The following DYNC2H1 variants were observed in gnomAD, a reference collection of about 807,000 sequenced individuals.
DYNC2H1 encodes cytoplasmic dynein 2 heavy chain 1.
DYNC2H1 carries 410 observed loss-of-function variants against 570.0 expected under a neutral mutation model. That is an observed-to-expected ratio of 0.72 (90% CI 0.66 to 0.78). The LOEUF (loss-of-function observed/expected upper bound fraction) is 0.78. Ranked by LOEUF, DYNC2H1 falls within the 30% of genes least tolerant of loss-of-function variation. DYNC2H1 has a pLI of 0.00. For synonymous variants in DYNC2H1, 1,688 were observed against 1,677.6 expected, an observed-to-expected ratio of 1.01 and a Z score of -0.15; for missense variants, 4,865 against 5,046.4, an observed-to-expected ratio of 0.96 and a Z score of 1.09.
At chr11:103,462,743 T>C (rs1338231099) in intron 87 of DYNC2H1, among the ~76,000 whole-genome samples, 2 of 152,238 alleles carry the variant, frequency 1.3e-5, no homozygotes, top group Non-Finnish European at 2.9e-5. Flanking sequence ...AGTATCATTG[T>C]GAGCTTCTTG....
intron 47 of DYNC2H1, among the ~76,000 whole-genome samples, chr11:103,197,609 G>C (rs571845930): frequency 6.6e-6 from 1 of 152,108 alleles, no homozygotes; most frequent in Admixed American, 6.6e-5. Context: ...CACCACACCT[G>C]GCTAATTTTT....
intron 6 of DYNC2H1, 52 bp downstream of exon 6, chr11:103,117,915 A>G (rs1858499517): frequency 1.4e-6 from 2 of 1,419,008 alleles, no homozygotes; most frequent in Non-Finnish European, 1.9e-6. Flanking sequence ...GTGTATCTTC[A>G]CTTGTTTGTA....
rs1295723203 is a variant in DYNC2H1 at position 103,157,753 on chromosome 11, C to T, written c.4128-924C>T. 6.6e-6 allele frequency among the ~76,000 whole-genome samples: 1 copy of T among 152,218 alleles called. No individual in the cohort carries two copies. Among genetic ancestry groups the T allele is most frequent in the Non-Finnish European group, 1.5e-5 (1 of 68,028 alleles). On this transcript the variant is annotated intron_variant, in intron 26 of 88. Coordinates refer to ENST00000375735, the MANE Select transcript of DYNC2H1 (RefSeq NM_001377.3). The surrounding 1 kb of genome is among the most constrained non-coding windows in gnomAD (Gnocchi z 4.2). ...TTTAAAAATGCAGGTTCAGCACTTT[C>T]TTTTACTCCTGTAAATAAAACTTTA...
Position 103,145,675 on chromosome 11 carries a change from TAC to T in DYNC2H1, c.2703-2093_2703-2092del, listed in dbSNP as rs1342080064. Among the ~76,000 whole-genome samples, 2 of 152,218 alleles carry T rather than the reference TAC, an allele frequency of 1.3e-5. No individual in the cohort carries two copies. The highest frequency in any genetic ancestry group is 4.8e-5 in the African/African-American group (2 of 41,458). On this transcript the variant is annotated intron_variant, in intron 18 of 88. Transcript: ENST00000375735. This position sits in a 1 kb window ranked among gnomAD's most constrained non-coding sequence, Gnocchi z 4.2. ...ATACATACATATGCACATACAAACA[TAC>T]ACATTTATTTCATCGGTACTTTTTG...
chr11:103,453,641 T>TATATATATATATAC (rs1273661728), intron 85 of DYNC2H1, among the ~76,000 whole-genome samples: 20 of 93,184 alleles, frequency 2.1e-4, no homozygotes, highest in African/African-American at 7.3e-4. Context: ...TATATATATA[T>TATATATATATATAC]ACACACATTC....
Position 103,109,788 on chromosome 11 carries a change from C to A in DYNC2H1, c.195+19C>A. On this transcript the variant is annotated intron_variant, in intron 1 of 88. Transcript: ENST00000375735. Reference sequence around the variant, plus strand: ...CAACACGGTACGGTTCCTTGCACTCCTGCCTGACCCCTGACCACTCTTCAA... The same window carrying A: ...CAACACGGTACGGTTCCTTGCACTCATGCCTGACCCCTGACCACTCTTCAA... 6.2e-7 allele frequency: 1 copy of A among 1,602,242 alleles called. No individual in the cohort carries two copies. Among genetic ancestry groups the A allele is most frequent in the Non-Finnish European group, 8.5e-7 (1 of 1,172,772 alleles).
intron 82 of DYNC2H1, among the ~76,000 whole-genome samples, chr11:103,356,963 T>C (rs1940376200): frequency 6.6e-6 from 1 of 152,160 alleles, no homozygotes; most frequent in Non-Finnish European, 1.5e-5. Context: ...GCTGCAAATG[T>C]TGAAGTTTAA....
chr11:103,179,008 G>GT lies in DYNC2H1; in HGVS notation c.6140-14dup. ...CATATATTTTTATTTTGTCTCCACT[G>GT]TTTTGATTTGAAAATAGATGTCAGC... On this transcript the variant is annotated splice_polypyrimidine_tract_variant and intron_variant, in intron 38 of 88. Transcript: ENST00000375735. 2 of 1,596,332 alleles carry GT rather than the reference G, an allele frequency of 1.3e-6. No individual in the cohort carries two copies. The highest frequency in any genetic ancestry group is 1.7e-6 in the Non-Finnish European group (2 of 1,167,938).
chr11:103,417,166 G>A (rs111704712), intron 84 of DYNC2H1, among the ~76,000 whole-genome samples: 1,544 of 152,214 alleles, frequency 0.01, 18 homozygotes, highest in African/African-American at 0.035. Context: ...TGCAACATCC[G>A]CCTCCTGGGT....
chr11:103,113,478 C>CACTAT (rs1858212464), intron 1 of DYNC2H1, 59 bp from the exon 2 acceptor site: 1 of 1,351,900 alleles, frequency 7.4e-7, no homozygotes. Context: ...ACTTTGTCTA[C>CACTAT]ATTTTTTTCA....
intron 83 of DYNC2H1, among the ~76,000 whole-genome samples, chr11:103,393,370 G>A (rs1350477597): frequency 1.3e-5 from 2 of 152,108 alleles, no homozygotes; most frequent in African/African-American, 4.8e-5. Flanking sequence ...GCTTCACAGA[G>A]CAGAATCATT....
At chr11:103,166,984 C>T (rs953563318) in intron 31 of DYNC2H1, among the ~76,000 whole-genome samples, 74 of 124,604 alleles carry the variant, frequency 5.9e-4, no homozygotes, top group East Asian at 1.5e-3. Flanking sequence ...ATCTCTGAGG[C>T]GCTGCCTTTT....
intron 84 of DYNC2H1, among the ~76,000 whole-genome samples, chr11:103,422,023 A>T (rs1370984211): frequency 6.6e-6 from 1 of 152,138 alleles, no homozygotes; most frequent in Non-Finnish European, 1.5e-5. Flanking sequence ...AACTCATGCC[A>T]CAGAAAAACA....
chr11:103,358,324 T>TGATTGAG lies in DYNC2H1; in HGVS notation c.12121_12122insGATTGAG (p.Ser4041Ter), dbSNP rs770728680. 1.3e-6 allele frequency: 2 copies of TGATTGAG among 1,583,918 alleles called. No individual in the cohort carries two copies. The highest frequency in any genetic ancestry group is 2.7e-5 in the African/African-American group (2 of 74,398). On this transcript the variant is annotated stop_gained and frameshift_variant, in exon 83 of 89. Transcript: ENST00000375735. LOFTEE classifies it high-confidence loss of function. ...TAGAGAAATCTGGTCTAATGAACTT[T>TGATTGAG]CTCCTGTCCTCAATCTCTGGAAGAA...
chr11:103,139,238 T>C (rs2134802993), intron 17 of DYNC2H1, among the ~76,000 whole-genome samples: 1 of 152,230 alleles, frequency 6.6e-6, no homozygotes, highest in South Asian at 2.1e-4. Context: ...ATTTTAGTTA[T>C]TTCTTGCCTT....
At chr11:103,418,967 A>G (rs1421718610) in intron 84 of DYNC2H1, among the ~76,000 whole-genome samples, 1 of 152,146 alleles carries the variant, frequency 6.6e-6, no homozygotes, top group South Asian at 2.1e-4. Flanking sequence ...GTCCTGTGCT[A>G]CCCAGCAAGG....
At chr11:103,342,371 A>G (rs1939495128) in intron 82 of DYNC2H1, among the ~76,000 whole-genome samples, 1 of 152,070 alleles carries the variant, frequency 6.6e-6, no homozygotes, top group Non-Finnish European at 1.5e-5. Flanking sequence ...ATGGGCGGGG[A>G]CAAATAAGGG....
At chr11:103,208,342 G>A (rs75500314) in intron 52 of DYNC2H1, among the ~76,000 whole-genome samples, 2,251 of 152,264 alleles carry the variant, frequency 0.015, 56 homozygotes, top group African/African-American at 0.051. Context: ...ACTGGTAGAT[G>A]CCTGCACCAT....
chr11:103,384,034 T>C (rs1941777898), intron 83 of DYNC2H1, among the ~76,000 whole-genome samples: 1 of 152,210 alleles, frequency 6.6e-6, no homozygotes, highest in Admixed American at 6.5e-5. Context: ...TCTTTTGAAA[T>C]TTGTTGGGAT....
Sources: allele counts gnomAD v4.1 joint callset (sites outside exome capture counted in the v4.1 genomes callset), GRCh38; gene constraint gnomAD v4.1.1; non-coding constraint Gnocchi (gnomAD v3.1); transcripts MANE v1.5; gene names NCBI Gene and HGNC (gene_info 2026-07-23, HGNC 2026-07-21).